Variants in KSR2 observed in about 807,000 individuals in gnomAD.
KSR2 encodes the protein kinase suppressor of ras 2.
KSR2 carries 25 observed loss-of-function variants against 107.8 expected under a neutral mutation model. That is an observed-to-expected ratio of 0.23 (90% CI 0.17 to 0.32). The LOEUF is 0.32. Among genes scored for constraint, KSR2 ranks in the 10% least tolerant of loss-of-function variants. KSR2 has a pLI of 1.00. For synonymous variants in KSR2, 480 were observed against 507.0 expected, an observed-to-expected ratio of 0.95 and a Z score of 0.71; for missense variants, 887 against 1,268.9, an observed-to-expected ratio of 0.70 and a Z score of 4.57.
intron 3 of KSR2, among the ~76,000 whole-genome samples, chr12:117,784,144 C>T (rs896261813): frequency 2.6e-5 from 4 of 152,232 alleles, no homozygotes; most frequent in Non-Finnish European, 5.9e-5. Context: ...TAATCCCCAT[C>T]ACTCAGTGAT....
chr12:117,885,495 G>T (rs1255949930), intron 1 of KSR2, among the ~76,000 whole-genome samples: 1 of 152,028 alleles, frequency 6.6e-6, no homozygotes, highest in Non-Finnish European at 1.5e-5. Context: ...CCCTGCTGGG[G>T]TTATCTCTGG....
Position 117,503,789 on chromosome 12 carries a change from T to C in KSR2, c.2220-18098A>G, listed in dbSNP as rs76356760. On this transcript the variant is annotated intron_variant, in intron 14 of 19. Transcript: ENST00000339824. The stretch of plus-strand genomic sequence containing the variant: ...TATGGTTGATTGATAGACCCCAAAA[T>C]ACAAAGTGAGTGAGGCCATGAGAAA... Among the ~76,000 whole-genome samples, 706 of 152,044 alleles carry C rather than the reference T, an allele frequency of 4.6e-3. 3 individuals are homozygous for C. Among genetic ancestry groups the C allele is most frequent in the African/African-American group, 0.016 (682 of 41,444 alleles).
At chr12:117,537,227 AAC>A (rs1214821901) in intron 10 of KSR2, among the ~76,000 whole-genome samples, 11 of 148,888 alleles carry the variant, frequency 7.4e-5, no homozygotes, top group Non-Finnish European at 1.2e-4. Context: ...CAACAACAAC[AAC>A]AAAAAAACTT....
chr12:117,559,462 C>T (rs537120260), intron 7 of KSR2, among the ~76,000 whole-genome samples: 81 of 152,254 alleles, frequency 5.3e-4, no homozygotes, highest in African/African-American at 1.9e-3. Flanking sequence ...AACAACTTCA[C>T]GAAATGGGCA....
At chr12:117,540,015 C>T (rs1876366612) in intron 9 of KSR2, 128 bp from the exon 10 acceptor site, 1 of 712,648 alleles carries the variant, frequency 1.4e-6, no homozygotes, top group Non-Finnish European at 2.2e-6. Context: ...TCCTCAGCCA[C>T]CAGATCCTTC....
chr12:117,471,345 G>T, intron 17 of KSR2, 25 bp from the exon 18 acceptor site: 1 of 1,608,228 alleles, frequency 6.2e-7, no homozygotes, highest in Non-Finnish European at 8.5e-7. Context: ...TGTTAAAGGG[G>T]TGTTGGTGTG....
chr12:117,754,967 A>C (rs896808051), intron 4 of KSR2, among the ~76,000 whole-genome samples: 2 of 152,232 alleles, frequency 1.3e-5, no homozygotes, highest in African/African-American at 4.8e-5. Flanking sequence ...CAGAGGAAAT[A>C]AAAGCAGACT....
At chr12:117,629,241 G>T (rs1344261998) in intron 5 of KSR2, among the ~76,000 whole-genome samples, 1 of 152,234 alleles carries the variant, frequency 6.6e-6, no homozygotes, top group Admixed American at 6.5e-5. Flanking sequence ...AGATGAACCA[G>T]GTACCTCATT....
rs562876403 is a variant in KSR2, at chr12:117,583,756, C to T, written c.1172-1397G>A. Among the ~76,000 whole-genome samples the T allele has an allele frequency of 9.2e-5, 14 of 152,260 alleles. No individual in the cohort carries two copies. The East Asian group carries it at 1.4e-3, about 15-fold the overall frequency. The stretch of plus-strand genomic sequence containing the variant: ...CAGGCCCCAGAGAGCTGTGAAACAA[C>T]GGCAGCAAGGAACTCGTCCTGCTTG... On this transcript the variant is annotated intron_variant, in intron 5 of 19. Transcript: ENST00000339824.
At chr12:117,893,296 C>G (rs1305226731) in intron 1 of KSR2, among the ~76,000 whole-genome samples, 1 of 152,140 alleles carries the variant, frequency 6.6e-6, no homozygotes, top group Non-Finnish European at 1.5e-5. Context: ...GGATTACAGG[C>G]ATGAGCCACT....
chr12:117,687,132 G>A (rs924503440), intron 4 of KSR2, among the ~76,000 whole-genome samples: 4 of 152,184 alleles, frequency 2.6e-5, no homozygotes, highest in Non-Finnish European at 4.4e-5. Context: ...CAAGCTTCCA[G>A]CACGACCTTG....
intron 4 of KSR2, 147 bp from the exon 5 acceptor site, chr12:117,667,805 C>T (rs1220766249): frequency 1.4e-5 from 9 of 665,434 alleles, no homozygotes; most frequent in Non-Finnish European, 2.2e-5. Context: ...TAGGTAGAGA[C>T]ACAAGGGCTG....
intron 3 of KSR2, among the ~76,000 whole-genome samples, chr12:117,819,607 CA>C (rs201246442): frequency 6.6e-6 from 1 of 151,290 alleles, no homozygotes; most frequent in Non-Finnish European, 1.5e-5. Context: ...GTTAAGCTGT[CA>C]AAAAAAATCT....
At chr12:117,699,309 T>C (rs1013950871) in intron 4 of KSR2, among the ~76,000 whole-genome samples, 2 of 152,254 alleles carry the variant, frequency 1.3e-5, no homozygotes, top group Non-Finnish European at 2.9e-5. Flanking sequence ...CTGAGTATTA[T>C]CCATGCATTA....
chr12:117,930,298 C>T (rs2393334), intron 1 of KSR2, among the ~76,000 whole-genome samples: 32,080 of 151,984 alleles, frequency 0.21, 4,010 homozygotes, highest in Admixed American at 0.28. Flanking sequence ...CCACCCAAAG[C>T]GCTGGGATTA....
At chr12:117,843,461 C>T (rs1566044839) in intron 3 of KSR2, among the ~76,000 whole-genome samples, 1 of 152,218 alleles carries the variant, frequency 6.6e-6, no homozygotes, top group Non-Finnish European at 1.5e-5. Flanking sequence ...AACTCAGTTA[C>T]ACTGGCACCC....
chr12:117,794,823 C>T (rs906892858), intron 3 of KSR2, among the ~76,000 whole-genome samples: 3 of 142,054 alleles, frequency 2.1e-5, no homozygotes, highest in Non-Finnish European at 4.5e-5. Flanking sequence ...CAACTTTAAT[C>T]AAGGGGGAGA....
At chr12:117,675,895 A>G (rs1885098132) in intron 4 of KSR2, among the ~76,000 whole-genome samples, 1 of 152,220 alleles carries the variant, frequency 6.6e-6, no homozygotes, top group Non-Finnish European at 1.5e-5. Context: ...CGCCCTGTAC[A>G]GCAAAATGCT....
At chr12:117,834,283 G>T (rs1243056040) in intron 3 of KSR2, among the ~76,000 whole-genome samples, 1 of 152,038 alleles carries the variant, frequency 6.6e-6, no homozygotes, top group Admixed American at 6.6e-5. Flanking sequence ...AAGATCAAAG[G>T]AAAGTGGATG....
Sources: gnomAD v4.1 joint callset for allele counts (sites outside exome capture counted in the v4.1 genomes callset) on GRCh38, gnomAD v4.1.1 for gene constraint, MANE v1.5 for transcripts, NCBI Gene and HGNC (gene_info 2026-07-23, HGNC 2026-07-21) for gene names.